Variants in ADGRL3 observed in about 807,000 individuals in gnomAD.
ADGRL3 encodes calcium-independent alpha-latrotoxin receptor 3.
A neutral mutation model predicts 153.5 loss-of-function variants in ADGRL3; 62 were observed. The ratio of observed to expected loss-of-function variants is 0.40; its 90% confidence interval spans 0.33 to 0.50. The LOEUF is 0.50. Ranked by LOEUF, ADGRL3 falls within the 20% of genes least tolerant of loss-of-function variation. ADGRL3 has a pLI of 0.47. For synonymous variants in ADGRL3, 710 were observed against 672.5 expected (o/e 1.06, Z -0.86); for missense variants, 1,641 against 1,859.4 (o/e 0.88, Z 2.16).
intron 6 of ADGRL3, among the ~76,000 whole-genome samples, chr4:61,712,305 G>C (rs890863862): frequency 1.4e-4 from 22 of 151,922 alleles, no homozygotes; most frequent in Non-Finnish European, 2.1e-4. Context: ...AGGCAGGAGG[G>C]TCACTTAAGC....
intron 9 of ADGRL3, among the ~76,000 whole-genome samples, chr4:61,820,785 A>G (rs1222536326): frequency 1.3e-5 from 2 of 152,184 alleles, no homozygotes; most frequent in Non-Finnish European, 2.9e-5. Flanking sequence ...AGTTCTTAGC[A>G]GGACTCATTA....
intron 8 of ADGRL3, among the ~76,000 whole-genome samples, chr4:61,767,474 G>A (rs577900557): frequency 3.9e-5 from 6 of 151,946 alleles, no homozygotes; most frequent in East Asian, 1.9e-4. Context: ...AGAAGGGGAC[G>A]GGCTTACCTT....
chr4:61,219,852 A>G (rs1162569290), intron 1 of ADGRL3, among the ~76,000 whole-genome samples: 1 of 152,116 alleles, frequency 6.6e-6, no homozygotes, highest in Admixed American at 6.6e-5. Context: ...TCACGCCTGT[A>G]ATCACAGCAC....
intron 1 of ADGRL3, among the ~76,000 whole-genome samples, chr4:61,233,974 C>T (rs1237027747): frequency 1.2e-4 from 18 of 151,866 alleles, no homozygotes; most frequent in Admixed American, 1.1e-3. Context: ...ATTTTGTGGT[C>T]TTAGAAGATT....
intron 4 of ADGRL3, among the ~76,000 whole-genome samples, chr4:61,557,478 G>A (rs1207527190): frequency 6.6e-6 from 1 of 152,146 alleles, no homozygotes; most frequent in African/African-American, 2.4e-5. Context: ...AAATAAAGCA[G>A]TAAAAGTCTA....
At chr4:61,465,766 T>TATATATATAG (rs2097873483) in intron 2 of ADGRL3, among the ~76,000 whole-genome samples, 1 of 145,776 alleles carries the variant, frequency 6.9e-6, no homozygotes, top group Non-Finnish European at 1.5e-5. Context: ...TAAATATATA[T>TATATATATAG]ATATATATAT....
chr4:61,673,716 T>C (rs893816041), intron 5 of ADGRL3, among the ~76,000 whole-genome samples: 1 of 151,334 alleles, frequency 6.6e-6, no homozygotes, highest in African/African-American at 2.4e-5. Context: ...TTTTAAACAA[T>C]CAATATTATA....
At chr4:61,869,670 A>G (rs2098424736) in intron 9 of ADGRL3, among the ~76,000 whole-genome samples, 1 of 151,658 alleles carries the variant, frequency 6.6e-6, no homozygotes, top group Non-Finnish European at 1.5e-5. Flanking sequence ...TTGGGATTCC[A>G]AAAGTGAGGA....
rs112327619 is a variant in ADGRL3 at position 61,975,230 on chromosome 4, G to C, written c.2806-4333G>C. ...TAGAGAGAGTCAGAATACGGAAAAG[G>C]GGTCTGTATTTTTAGATACGATGAC... On this transcript the variant is annotated intron_variant, in intron 17 of 26. Transcript: ENST00000683033. Among the ~76,000 whole-genome samples, 247 of 152,262 alleles carry C rather than the reference G, an allele frequency of 1.6e-3. 1 individual carries two copies. The highest frequency in any genetic ancestry group is 5.6e-3 in the African/African-American group (232 of 41,556).
intron 9 of ADGRL3, among the ~76,000 whole-genome samples, chr4:61,820,362 G>C (rs1393382827): frequency 6.6e-6 from 1 of 151,944 alleles, no homozygotes; most frequent in Non-Finnish European, 1.5e-5. Context: ...ACTGAATAGG[G>C]GTGTAAATTC....
chr4:62,011,963 A>C (rs2099188590), intron 21 of ADGRL3, among the ~76,000 whole-genome samples: 1 of 152,028 alleles, frequency 6.6e-6, no homozygotes, highest in Admixed American at 6.6e-5. Context: ...AGCTTTCTTT[A>C]AAATGACACA....
intron 6 of ADGRL3, among the ~76,000 whole-genome samples, chr4:61,681,928 T>C (rs1264470661): frequency 6.6e-6 from 1 of 152,000 alleles, no homozygotes; most frequent in Non-Finnish European, 1.5e-5. Context: ...CTTTTTCTGC[T>C]TCATATATAC....
chr4:61,509,147 G>A (rs1366892550), intron 3 of ADGRL3, among the ~76,000 whole-genome samples: 2 of 94,852 alleles, frequency 2.1e-5, no homozygotes, highest in African/African-American at 4.0e-5. Context: ...TTTTTTTTGA[G>A]ACAGAGTTTC....
intron 8 of ADGRL3, among the ~76,000 whole-genome samples, chr4:61,748,531 A>G (rs186810348): frequency 1.6e-3 from 245 of 152,246 alleles, no homozygotes; most frequent in African/African-American, 5.8e-3. Context: ...AATGGAACAG[A>G]TCAGAGCCCT....
chr4:61,978,316 G>T (rs576192647), intron 17 of ADGRL3, among the ~76,000 whole-genome samples: 1 of 123,546 alleles, frequency 8.1e-6, no homozygotes, highest in African/African-American at 3.0e-5. Context: ...ATAGTGTGTA[G>T]ATCCTTTTGA....
At chr4:61,667,322 A>G (rs1265377530) in intron 5 of ADGRL3, among the ~76,000 whole-genome samples, 1 of 152,174 alleles carries the variant, frequency 6.6e-6, no homozygotes, top group Non-Finnish European at 1.5e-5. Context: ...TCATACATTT[A>G]TAAATATACA....
rs184704156 is a variant in ADGRL3, at chr4:61,497,311, A to G, written c.18A>G (p.Leu6=). 6 of 1,606,122 alleles carry G rather than the reference A, an allele frequency of 3.7e-6. No individual in the cohort carries two copies. In the East Asian group the frequency reaches 9.0e-5, roughly 24 times the overall value. Residue 6 remains leucine, a synonymous_variant, in exon 3 of 27, where the codon CTA becomes CTG. Coordinates refer to ENST00000683033, the MANE Select transcript of ADGRL3 (RefSeq NM_001387552.1). ...AGACAGCCATGTGGCCATCGCAGCT[A>G]CTAATTTTCATGATGCTCTTAGCTC... is the stretch of plus-strand genomic sequence containing the variant. MWPSQ[L]LIFMMLLAPI...
At chr4:61,877,262 G>A (rs113140697) in intron 9 of ADGRL3, among the ~76,000 whole-genome samples, 16 of 152,266 alleles carry the variant, frequency 1.1e-4, no homozygotes, top group African/African-American at 3.9e-4. Flanking sequence ...GGACCTCAAA[G>A]CATTATGCTT....
At chr4:61,869,991 G>A (rs112613565) in intron 9 of ADGRL3, among the ~76,000 whole-genome samples, 292 of 80,706 alleles carry the variant, frequency 3.6e-3, no homozygotes, top group Admixed American at 5.5e-3. Context: ...AGAGAGAGAG[G>A]GAGAGAGAGA....
Sources: allele counts gnomAD v4.1 joint callset (sites outside exome capture counted in the v4.1 genomes callset), GRCh38; gene constraint gnomAD v4.1.1; transcripts MANE v1.5; gene names NCBI Gene and HGNC (gene_info 2026-07-23, HGNC 2026-07-21).